Variants in NEGR1 observed in about 807,000 individuals in gnomAD.
NEGR1 encodes the protein neuronal growth regulator 1.
In NEGR1, 10 loss-of-function variants were observed where a neutral mutation model predicts 40.9. The observed-to-expected ratio is 0.24, with a 90% CI of 0.15 to 0.42. The LOEUF is 0.42. Among genes scored for constraint, NEGR1 ranks in the 10% least tolerant of loss-of-function variants. NEGR1 has a pLI of 1.00. For synonymous variants in NEGR1, 185 were observed against 166.8 expected, an observed-to-expected ratio of 1.11 and a Z score of -0.84; for missense variants, 352 against 438.9, an observed-to-expected ratio of 0.80 and a Z score of 1.77.
Position 72,029,455 on chromosome 1 carries a change from T to C in NEGR1, c.177-94144A>G, listed in dbSNP as rs551897079. ...CAGCAGCTGAAATAGCTATGTGAAC[T>C]GTCCACTCTGGATCATTAAGTATGA... On this transcript the variant is annotated intron_variant, in intron 1 of 6. Coordinates refer to ENST00000357731, the MANE Select transcript of NEGR1 (RefSeq NM_173808.3). Among the ~76,000 whole-genome samples the C allele has an allele frequency of 8.5e-5, 13 of 152,286 alleles. No individual in the cohort carries two copies. In the East Asian group the frequency reaches 2.5e-3, roughly 29 times the overall value.
At chr1:71,894,954 G>T (rs1450867199) in intron 2 of NEGR1, among the ~76,000 whole-genome samples, 1 of 151,850 alleles carries the variant, frequency 6.6e-6, no homozygotes, top group Non-Finnish European at 1.5e-5. Flanking sequence ...GGAAAAGAAA[G>T]AATCCATACT....
chr1:71,496,573 G>A lies in NEGR1; in HGVS notation c.941-89003C>T, dbSNP rs539592116. ...CAGGATTCATATTTCCTTGGGCTAG[G>A]ATTATGACAGATTACATTCTTTTTT... On this transcript the variant is annotated intron_variant, in intron 6 of 6. Coordinates refer to ENST00000357731, the MANE Select transcript of NEGR1 (RefSeq NM_173808.3). 9.2e-4 allele frequency among the ~76,000 whole-genome samples: 123 copies of A among 133,930 alleles called. 1 individual carries two copies. The highest frequency in any genetic ancestry group is 3.9e-3 in the Middle Eastern group (1 of 256). 87.9% of individuals were successfully genotyped at this position (133,930 alleles called of 152,430 possible).
chr1:71,609,447 G>A (rs1466256450), intron 5 of NEGR1, among the ~76,000 whole-genome samples: 17 of 141,008 alleles, frequency 1.2e-4, no homozygotes, highest in Non-Finnish European at 1.7e-4. Flanking sequence ...CCCGGGAGGC[G>A]GAGCTTGCAG....
At chr1:71,928,814 C>T (rs749875190) in intron 2 of NEGR1, among the ~76,000 whole-genome samples, 9 of 151,908 alleles carry the variant, frequency 5.9e-5, no homozygotes, top group Non-Finnish European at 1.2e-4. Flanking sequence ...TTATTGTTAT[C>T]GGTAATTGAA....
At chr1:71,717,226 A>G (rs1654307690) in intron 3 of NEGR1, among the ~76,000 whole-genome samples, 1 of 152,244 alleles carries the variant, frequency 6.6e-6, no homozygotes, top group African/African-American at 2.4e-5. Context: ...GCCTAATAAA[A>G]CTATCTTCCT....
At chr1:71,829,589 C>T (rs1232075759) in intron 2 of NEGR1, among the ~76,000 whole-genome samples, 4 of 151,730 alleles carry the variant, frequency 2.6e-5, no homozygotes, top group Admixed American at 6.6e-5. Flanking sequence ...CTACCAAAAT[C>T]GAAACGATCA....
intron 2 of NEGR1, among the ~76,000 whole-genome samples, chr1:71,815,329 T>C (rs1658164047): frequency 6.6e-6 from 1 of 152,138 alleles, no homozygotes; most frequent in Admixed American, 6.6e-5. Flanking sequence ...CTTCCACTTA[T>C]GTGATTGATT....
At chr1:72,071,612 T>A (rs1425286503) in intron 1 of NEGR1, among the ~76,000 whole-genome samples, 1 of 152,092 alleles carries the variant, frequency 6.6e-6, no homozygotes, top group Non-Finnish European at 1.5e-5. Flanking sequence ...AATATTCTTC[T>A]TTATCATCCA....
chr1:71,650,419 C>T (rs17091576), intron 4 of NEGR1, among the ~76,000 whole-genome samples: 4,495 of 152,186 alleles, frequency 0.03, 96 homozygotes, highest in Non-Finnish European at 0.046. Context: ...GAAGCTGAAT[C>T]TTTAGGACTG....
At chr1:71,584,537 A>T (rs187218794) in intron 6 of NEGR1, among the ~76,000 whole-genome samples, 8 of 152,284 alleles carry the variant, frequency 5.3e-5, no homozygotes, top group African/African-American at 1.9e-4. Context: ...TAGGGGTCAC[A>T]TTTCCATTTT....
At chr1:71,564,228 A>G (rs1439713973) in intron 6 of NEGR1, among the ~76,000 whole-genome samples, 1 of 152,014 alleles carries the variant, frequency 6.6e-6, no homozygotes, top group Non-Finnish European at 1.5e-5. Context: ...CTGATCTAGG[A>G]TGAGTAGCCC....
intron 1 of NEGR1, among the ~76,000 whole-genome samples, chr1:72,135,052 A>G (rs1227845400): frequency 6.6e-6 from 1 of 150,460 alleles, no homozygotes; most frequent in Non-Finnish European, 1.5e-5. Context: ...TTGAATTTAT[A>G]AAGTAACCAA....
At chr1:72,048,914 G>T (rs1414189837) in intron 1 of NEGR1, among the ~76,000 whole-genome samples, 2 of 151,538 alleles carry the variant, frequency 1.3e-5, no homozygotes, top group Non-Finnish European at 3.0e-5. Flanking sequence ...CATATGGACT[G>T]ATTTTCTATT....
At chr1:71,634,429 T>C (rs1651074261) in intron 4 of NEGR1, among the ~76,000 whole-genome samples, 1 of 152,102 alleles carries the variant, frequency 6.6e-6, no homozygotes. Context: ...AGGCTGCTGA[T>C]GCTTTGAACT....
intron 4 of NEGR1, among the ~76,000 whole-genome samples, chr1:71,632,147 G>A (rs1018885139): frequency 5.9e-5 from 9 of 151,632 alleles, no homozygotes; most frequent in Middle Eastern, 3.2e-3. Flanking sequence ...TCAAGTTATT[G>A]GCAGAGAACT....
intron 6 of NEGR1, among the ~76,000 whole-genome samples, chr1:71,451,333 A>ATTTTTTTTTTTTTTT (rs35201330): frequency 7.2e-6 from 1 of 138,370 alleles, no homozygotes; most frequent in African/African-American, 2.7e-5. Context: ...AGTGCTACAG[A>ATTTTTTTTTTTTTTT]TTTTTTTTTT....
At chr1:71,698,855 G>T (rs2101629685) in intron 3 of NEGR1, among the ~76,000 whole-genome samples, 1 of 151,968 alleles carries the variant, frequency 6.6e-6, no homozygotes, top group South Asian at 2.1e-4. Flanking sequence ...TGTAATAACA[G>T]AAGAAAGACT....
At chr1:71,539,798 G>T (rs903963102) in intron 6 of NEGR1, among the ~76,000 whole-genome samples, 1 of 151,664 alleles carries the variant, frequency 6.6e-6, no homozygotes, top group Non-Finnish European at 1.5e-5. Flanking sequence ...AGCCAATTCT[G>T]GTTTGAGTTA....
At chr1:71,910,435 G>A (rs1487389255) in intron 2 of NEGR1, among the ~76,000 whole-genome samples, 1 of 152,142 alleles carries the variant, frequency 6.6e-6, no homozygotes, top group Non-Finnish European at 1.5e-5. Context: ...TTTTACAGAG[G>A]AGCAAACTAA....
Sources: allele counts gnomAD v4.1 joint callset (sites outside exome capture counted in the v4.1 genomes callset), GRCh38; gene constraint gnomAD v4.1.1; transcripts MANE v1.5; gene names NCBI Gene and HGNC (gene_info 2026-07-23, HGNC 2026-07-21).